Variants in STXBP6 observed in about 807,000 individuals in gnomAD.
The protein encoded by STXBP6 is syntaxin-binding protein 6.
STXBP6 carries 21 observed loss-of-function variants against 26.9 expected under a neutral mutation model. The observed-to-expected ratio is 0.78, with a 90% CI of 0.55 to 1.12. The LOEUF (loss-of-function observed/expected upper bound fraction) is 1.12. Among genes scored for constraint, STXBP6 ranks in the 50% most tolerant of loss-of-function variants. The pLI, the probability that STXBP6 is intolerant of heterozygous loss-of-function variation, is 0.00. For missense variants in STXBP6, 232 were observed against 257.9 expected (o/e 0.90, Z 0.69); for synonymous variants, 97 against 92.6 (o/e 1.05, Z -0.27).
rs888442919 is a variant in STXBP6 at position 24,857,647 on chromosome 14, G to A, written c.155-490C>T. ...CAGTGTAAACATCTTAGGCTTCAGT[G>A]ATGAGGAGTAATCCCTAACTCAAAA... On this transcript the variant is annotated intron_variant, in intron 2 of 5. Coordinates refer to ENST00000323944, the MANE Select transcript of STXBP6 (RefSeq NM_001394410.1). Among the ~76,000 whole-genome samples the A allele has an allele frequency of 5.3e-5, 8 of 152,002 alleles. 2 individuals carry two copies. Among genetic ancestry groups the A allele is most frequent in the Admixed American group, 3.9e-4 (6 of 15,238 alleles).
At chr14:24,965,723 A>G (rs1228261301) in intron 2 of STXBP6, among the ~76,000 whole-genome samples, 1 of 152,222 alleles carries the variant, frequency 6.6e-6, no homozygotes, top group African/African-American at 2.4e-5. Context: ...GCGTTTTACC[A>G]TAAGTCAGTC....
chr14:24,878,857 C>T, intron 2 of STXBP6: 1 of 437,264 alleles, frequency 2.3e-6, no homozygotes, highest in Non-Finnish European at 4.6e-6. Flanking sequence ...TAACAGGGAG[C>T]TATTATGCCT....
chr14:24,836,965 A>G (rs1393529925), intron 4 of STXBP6, among the ~76,000 whole-genome samples: 2 of 152,170 alleles, frequency 1.3e-5, no homozygotes, highest in East Asian at 1.9e-4. Context: ...AAAATGTAGT[A>G]ATCATTTCCT....
intron 2 of STXBP6, among the ~76,000 whole-genome samples, chr14:24,912,806 T>A (rs867802793): frequency 2.6e-5 from 4 of 152,168 alleles, no homozygotes; most frequent in African/African-American, 9.7e-5. Flanking sequence ...CAGTTGAATA[T>A]AACACTACTT....
At position 24,853,559 on chromosome 14, in the gene STXBP6, AC is replaced by A. The variant is rs139822220; in HGVS notation, c.451+2376del. Among the ~76,000 whole-genome samples, 261 of 152,254 alleles carry A rather than the reference AC, an allele frequency of 1.7e-3. 1 individual carries two copies. The Middle Eastern group carries it at 0.024, about 14-fold the overall frequency. On this transcript the variant is annotated intron_variant, in intron 4 of 5. Coordinates refer to ENST00000323944, the MANE Select transcript of STXBP6 (RefSeq NM_001394410.1). ...TAAAACTATAATTTAGGAATTACAGACTTTCAAAGTGATGGAACTGAAAGAG... is the reference window on the plus strand; with the variant it reads ...TAAAACTATAATTTAGGAATTACAGATTTCAAAGTGATGGAACTGAAAGAG...
At position 24,810,816 on chromosome 14, in the gene STXBP6, ACT is replaced by A. The variant is rs935899077; in HGVS notation, c.*1891_*1892del. The A allele has an allele frequency of 1.4e-5, 2 of 147,890 alleles. No individual in the cohort carries two copies. Among genetic ancestry groups the A allele is most frequent in the African/African-American group, 5.0e-5 (2 of 39,940 alleles). 9.2% of individuals were successfully genotyped at this position (147,890 alleles called of 1,614,324 possible). On this transcript the variant is annotated 3_prime_UTR_variant, in exon 6 of 6. Transcript: ENST00000323944. ...TTTATCCTTTCAATTATTTATACCAACTCTCTATCTCTGAAACCAGAATCCAA... is the reference window on the plus strand; with the variant it reads ...TTTATCCTTTCAATTATTTATACCAACTCTATCTCTGAAACCAGAATCCAA...
At position 24,908,792 on chromosome 14, in the gene STXBP6, C is replaced by A. The variant is rs893179290; in HGVS notation, c.155-51635G>T. Among the ~76,000 whole-genome samples the A allele has an allele frequency of 4.6e-5, 7 of 152,130 alleles. 2 individuals carry two copies. The highest frequency in any genetic ancestry group is 3.9e-4 in the Admixed American group (6 of 15,276). On this transcript the variant is annotated intron_variant, in intron 2 of 5. Coordinates refer to ENST00000323944, the MANE Select transcript of STXBP6 (RefSeq NM_001394410.1). ...GGAGCTCCAACAGCCCTCAAGCAGT[C>A]AGAGGCTCGGCTGAGCTGCAGCATT...
intron 2 of STXBP6, among the ~76,000 whole-genome samples, chr14:24,953,208 C>T (rs1175825270): frequency 3.3e-5 from 5 of 152,146 alleles, no homozygotes; most frequent in African/African-American, 1.2e-4. Flanking sequence ...TGTCTCATCT[C>T]CCTTTGTGTC....
intron 1 of STXBP6, among the ~76,000 whole-genome samples, chr14:24,976,852 CTTTTTT>C (rs71121808): frequency 6.6e-5 from 3 of 45,276 alleles, no homozygotes; most frequent in Admixed American, 2.8e-4. Context: ...ACTGGGCGCT[CTTTTTT>C]TTTTTTTTTT....
At chr14:24,894,958 T>C (rs1293962322) in intron 2 of STXBP6, among the ~76,000 whole-genome samples, 1 of 152,162 alleles carries the variant, frequency 6.6e-6, no homozygotes. Flanking sequence ...ACTGGTTTTA[T>C]GATATTTGCC....
intron 2 of STXBP6, among the ~76,000 whole-genome samples, chr14:24,922,425 C>T (rs1007299870): frequency 2.0e-5 from 3 of 152,104 alleles, no homozygotes; most frequent in Non-Finnish European, 4.4e-5. Context: ...ATTATCAATA[C>T]CATTATTTTT....
chr14:24,823,255 T>C (rs569762092), intron 4 of STXBP6, among the ~76,000 whole-genome samples: 3 of 152,296 alleles, frequency 2.0e-5, no homozygotes, highest in African/African-American at 7.2e-5. Flanking sequence ...GATAAAGCTA[T>C]AGCATTGTGT....
At chr14:24,945,436 A>G (rs2072953617) in intron 2 of STXBP6, among the ~76,000 whole-genome samples, 1 of 151,966 alleles carries the variant, frequency 6.6e-6, no homozygotes, top group South Asian at 2.1e-4. Flanking sequence ...CAGGTGTGGT[A>G]GCACACACCT....
chr14:24,958,322 A>G (rs1398172465), intron 2 of STXBP6, among the ~76,000 whole-genome samples: 2 of 152,176 alleles, frequency 1.3e-5, no homozygotes, highest in African/African-American at 4.8e-5. Flanking sequence ...GGCAAAAATT[A>G]AACTGGTCAC....
At chr14:24,872,466 G>T (rs1313771844) in intron 2 of STXBP6, among the ~76,000 whole-genome samples, 1 of 152,148 alleles carries the variant, frequency 6.6e-6, no homozygotes, top group East Asian at 1.9e-4. Flanking sequence ...TTGAGACCCT[G>T]TATAGCAGAG....
chr14:24,946,642 G>T (rs1326179235), intron 2 of STXBP6, among the ~76,000 whole-genome samples: 1 of 152,256 alleles, frequency 6.6e-6, no homozygotes, highest in Non-Finnish European at 1.5e-5. Context: ...GACCAAAGTG[G>T]GTTAAAGGGT....
At chr14:24,840,698 T>C (rs941041116) in intron 4 of STXBP6, among the ~76,000 whole-genome samples, 1 of 152,228 alleles carries the variant, frequency 6.6e-6, no homozygotes. Context: ...GAGTTTGTAA[T>C]TCGAGACAGA....
chr14:24,928,335 C>T (rs1475010368), intron 2 of STXBP6, among the ~76,000 whole-genome samples: 1 of 151,756 alleles, frequency 6.6e-6, no homozygotes. Context: ...TTAACCTTAC[C>T]CCCTGTCAAT....
At chr14:24,916,540 T>C (rs1320276487) in intron 2 of STXBP6, among the ~76,000 whole-genome samples, 2 of 152,186 alleles carry the variant, frequency 1.3e-5, no homozygotes, top group African/African-American at 4.8e-5. Flanking sequence ...TGATTGCAGC[T>C]ACTGGATGGT....
Sources: allele counts gnomAD v4.1 joint callset (sites outside exome capture counted in the v4.1 genomes callset), GRCh38; gene constraint gnomAD v4.1.1; transcripts MANE v1.5; gene names NCBI Gene and HGNC (gene_info 2026-07-23, HGNC 2026-07-21).